The following ASTN2 variants were observed in gnomAD, a reference collection of about 807,000 sequenced individuals.
ASTN2 encodes astrotactin-2.
In ASTN2, 54 loss-of-function variants were observed where a neutral mutation model predicts 139.8. The observed-to-expected ratio is 0.39, with a 90% CI of 0.31 to 0.48. The LOEUF (loss-of-function observed/expected upper bound fraction) is 0.48. Among genes scored for constraint, ASTN2 ranks in the 20% least tolerant of loss-of-function variants. The pLI, the probability that ASTN2 is intolerant of heterozygous loss-of-function variation, is 0.95. For missense variants in ASTN2, 1,565 were observed against 1,725.1 expected (o/e 0.91, Z 1.64); for synonymous variants, 756 against 719.5 (o/e 1.05, Z -0.81).
intron 3 of ASTN2, among the ~76,000 whole-genome samples, chr9:117,191,394 C>T (rs536491500): frequency 4.3e-4 from 65 of 151,962 alleles, no homozygotes; most frequent in African/African-American, 1.5e-3. Flanking sequence ...AGGGAAAAGA[C>T]AGAAAAAATT....
chr9:116,623,591 A>T (rs918706948), intron 17 of ASTN2, among the ~76,000 whole-genome samples: 2 of 152,192 alleles, frequency 1.3e-5, no homozygotes, highest in African/African-American at 4.8e-5. Flanking sequence ...GGACTCTGTA[A>T]ATCATGTAAC....
At chr9:116,591,808 T>G (rs1457852360) in intron 19 of ASTN2, among the ~76,000 whole-genome samples, 2 of 152,204 alleles carry the variant, frequency 1.3e-5, no homozygotes, top group South Asian at 4.1e-4. Flanking sequence ...TTGATTTGGG[T>G]ACTGGTTATA....
At chr9:116,675,722 A>G (rs1859461553) in intron 16 of ASTN2, among the ~76,000 whole-genome samples, 1 of 152,160 alleles carries the variant, frequency 6.6e-6, no homozygotes, top group South Asian at 2.1e-4. Flanking sequence ...GGCTTAACTC[A>G]GAGAACCCTC....
chr9:117,304,995 T>G (rs999912675), intron 1 of ASTN2, among the ~76,000 whole-genome samples: 2 of 152,182 alleles, frequency 1.3e-5, no homozygotes, highest in African/African-American at 4.8e-5. Context: ...TGTGCCTGAA[T>G]TATGACAGAT....
At chr9:116,811,267 T>G (rs1831160146) in intron 12 of ASTN2, among the ~76,000 whole-genome samples, 1 of 152,226 alleles carries the variant, frequency 6.6e-6, no homozygotes, top group Non-Finnish European at 1.5e-5. Context: ...TTCTTGCTTC[T>G]TAATAAATGT....
At chr9:116,821,192 GA>G (rs2132270910) in intron 11 of ASTN2, among the ~76,000 whole-genome samples, 1 of 152,260 alleles carries the variant, frequency 6.6e-6, no homozygotes, top group Admixed American at 6.5e-5. Context: ...GAGGCTGCCA[GA>G]TATATATTTA....
rs183268341 is a variant in ASTN2 at position 116,833,019 on chromosome 9, C to T, written c.2041-12236G>A. Among the ~76,000 whole-genome samples, 323 of 148,712 alleles carry T rather than the reference C, an allele frequency of 2.2e-3. 3 individuals carry two copies. Among genetic ancestry groups the T allele is most frequent in the African/African-American group, 7.2e-3 (289 of 40,020 alleles). ...CATTTGGTATATTTCTCCAGTGAAA[C>T]TATCCAGGACAGGGATTTGGAGCTG... is the stretch of plus-strand genomic sequence containing the variant. On this transcript the variant is annotated intron_variant, in intron 11 of 22. Transcript: ENST00000313400.
chr9:116,744,540 C>T (rs529258641), intron 13 of ASTN2, among the ~76,000 whole-genome samples: 2 of 152,162 alleles, frequency 1.3e-5, no homozygotes, highest in East Asian at 3.9e-4. Context: ...AGATGGACAA[C>T]AGAATACAGA....
intron 4 of ASTN2, among the ~76,000 whole-genome samples, chr9:117,117,988 T>A (rs993108847): frequency 5.9e-5 from 9 of 151,860 alleles, no homozygotes; most frequent in Non-Finnish European, 1.2e-4. Flanking sequence ...AAAAAATAAA[T>A]AAATAAATCC....
intron 14 of ASTN2, among the ~76,000 whole-genome samples, chr9:116,730,139 CA>C (rs1260141491): frequency 6.6e-6 from 1 of 152,062 alleles, no homozygotes; most frequent in Non-Finnish European, 1.5e-5. Flanking sequence ...CTAGTCACAT[CA>C]GCAGTTATTA....
At chr9:117,288,675 T>C (rs1016324212) in intron 2 of ASTN2, among the ~76,000 whole-genome samples, 27 of 152,312 alleles carry the variant, frequency 1.8e-4, no homozygotes, top group African/African-American at 6.3e-4. Context: ...CCATCTTAAA[T>C]GTAAACACTC....
rs59125408 is a variant in ASTN2, at chr9:117,406,857, AACACACACACAC to A, written c.442+7628_442+7639del. On this transcript the variant is annotated intron_variant, in intron 1 of 22. Coordinates refer to ENST00000313400, the MANE Select transcript of ASTN2 (RefSeq NM_001365068.1). ...ATTATGTCTGTTGTCATTGTCCCCT[AACACACACACAC>A]ACACACACACACACACACACACACA... 6.4e-3 allele frequency among the ~76,000 whole-genome samples: 926 copies of A among 144,326 alleles called. 8 individuals carry two copies. Among genetic ancestry groups the A allele is most frequent in the African/African-American group, 0.016 (645 of 39,360 alleles). 94.7% of individuals were successfully genotyped at this position (144,326 alleles called of 152,430 possible).
chr9:116,626,102 C>T (rs1177057675), intron 17 of ASTN2, among the ~76,000 whole-genome samples: 1 of 150,052 alleles, frequency 6.7e-6, no homozygotes, highest in African/African-American at 2.5e-5. Context: ...GCCTCAGCCT[C>T]CTGAGTAGCT....
At chr9:117,043,292 G>A (rs1024382018) in intron 5 of ASTN2, among the ~76,000 whole-genome samples, 5 of 152,144 alleles carry the variant, frequency 3.3e-5, no homozygotes, top group Non-Finnish European at 7.3e-5. Context: ...AGATGTGAAA[G>A]GTAGTGAGAG....
At chr9:116,867,261 C>T (rs546029877) in intron 10 of ASTN2, among the ~76,000 whole-genome samples, 1 of 151,404 alleles carries the variant, frequency 6.6e-6, no homozygotes, top group South Asian at 2.1e-4. Context: ...GTAAGTGTGC[C>T]GAGGAGAGGG....
chr9:117,129,607 T>C (rs1486526401), intron 4 of ASTN2, among the ~76,000 whole-genome samples: 1 of 152,186 alleles, frequency 6.6e-6, no homozygotes, highest in Non-Finnish European at 1.5e-5. Context: ...TATATTATTA[T>C]TAGTAGTAGT....
Position 116,805,775 on chromosome 9 carries a change from T to C in ASTN2, c.2253A>G (p.Leu751=), listed in dbSNP as rs1831013861. 6.2e-7 allele frequency: 1 copy of C among 1,613,798 alleles called. No homozygotes were observed. The highest frequency in any genetic ancestry group is 1.3e-5 in the African/African-American group (1 of 74,926). ...GGCCCTCGCAGACATCTGAGAGCAT[T>C]AAGCAGGATTTTCCATCAGGAGCCA... ...YKLAPDGKSC[L]MLSDVCEGPK... is the part of the protein sequence containing the mutation. Residue 751 remains leucine, a synonymous_variant, in exon 13 of 23, where the codon TTA becomes TTG. Transcript: ENST00000313400.
chr9:117,134,635 G>C (rs1829908590), intron 4 of ASTN2, among the ~76,000 whole-genome samples: 1 of 152,010 alleles, frequency 6.6e-6, no homozygotes, highest in Non-Finnish European at 1.5e-5. Flanking sequence ...TACCAGCAAT[G>C]TCTTCCCAAA....
At chr9:117,054,780 G>A (rs894648876) in intron 5 of ASTN2, among the ~76,000 whole-genome samples, 3 of 152,134 alleles carry the variant, frequency 2.0e-5, no homozygotes, top group Admixed American at 1.3e-4. Context: ...CAAGGAAAGT[G>A]GACTTTCTCC....
Sources: allele counts gnomAD v4.1 joint callset (sites outside exome capture counted in the v4.1 genomes callset), GRCh38; gene constraint gnomAD v4.1.1; transcripts MANE v1.5; gene names NCBI Gene and HGNC (gene_info 2026-07-23, HGNC 2026-07-21).